The following PLCXD1 variants were observed in gnomAD, a reference collection of about 807,000 sequenced individuals.
PLCXD1 encodes phosphatidylinositol specific phospholipase C X domain containing 1.
A neutral mutation model predicts 37.8 loss-of-function variants in PLCXD1; 45 were observed. That is an observed-to-expected ratio of 1.19 (90% CI 0.94 to 1.53). The LOEUF (loss-of-function observed/expected upper bound fraction) is 1.53. Among genes scored for constraint, PLCXD1 ranks in the 40% most tolerant of loss-of-function variants. The pLI, the probability that PLCXD1 is intolerant of heterozygous loss-of-function variation, is 0.00. For missense variants in PLCXD1, 539 were observed against 454.7 expected, an observed-to-expected ratio of 1.19 and a Z score of -1.69; for synonymous variants, 246 against 206.9, an observed-to-expected ratio of 1.19 and a Z score of -1.62.
In PLCXD1 at chrX:284,334, G is replaced by A; in HGVS notation, c.127+20G>A. 1 of 1,612,114 alleles carries A rather than the reference G, an allele frequency of 6.2e-7. No homozygotes were observed. The highest frequency in any genetic ancestry group is 8.5e-7 in the Non-Finnish European group (1 of 1,179,658). On this transcript the variant is annotated intron_variant, in intron 2 of 6. Coordinates refer to ENST00000381657, the MANE Select transcript of PLCXD1 (RefSeq NM_018390.4). Reference sequence around the variant, plus strand: ...TCCCAGGTGAGGTTGGGGTGGGGCAGGGGCCGTTGCCTCTATCCCAGGTGA... The same window carrying A: ...TCCCAGGTGAGGTTGGGGTGGGGCAAGGGCCGTTGCCTCTATCCCAGGTGA...
Position 291,607 on chromosome X carries a change from G to T in PLCXD1, c.502G>T (p.Val168Phe), listed in dbSNP as rs1262424898. 1.9e-6 allele frequency: 3 copies of T among 1,613,026 alleles called. No homozygotes were observed. The Admixed American group carries it at 5.0e-5, about 27-fold the overall frequency. ...GAGCGAGGACCTGCACGAGTACCTG[G>T]TCGCCTGTATCAAGAACATCTTCGG... Reference protein sequence around the residue: ...GLSEDLHEYLVACIKNIFGDM... With the variant: ...GLSEDLHEYLFACIKNIFGDM... Residue 168 changes from valine (V) to phenylalanine (F), a missense_variant, in exon 5 of 7, where the codon GTC (valine) becomes TTC (phenylalanine). Coordinates refer to ENST00000381657, the MANE Select transcript of PLCXD1 (RefSeq NM_018390.4).
intron 5 of PLCXD1, among the ~76,000 whole-genome samples, chrX:292,271 C>T (rs7889205): frequency 0.18 from 27,654 of 151,330 alleles, 3,156 homozygotes; most frequent in African/African-American, 0.33. Flanking sequence ...CTGGCTAACA[C>T]GGTGAAACCC....
intron 6 of PLCXD1, 25 bp from the exon 7 acceptor site, chrX:299,072 C>A (rs1202134788): frequency 4.5e-6 from 7 of 1,566,644 alleles, no homozygotes; most frequent in Non-Finnish European, 4.4e-6. Flanking sequence ...GACCGTGTAA[C>A]CTCTCCCCAC....
chrX:299,225 T>G lies in PLCXD1; in HGVS notation c.862T>G (p.Cys288Gly). 6.2e-7 allele frequency: 1 copy of G among 1,613,890 alleles called. No homozygotes were observed. Among genetic ancestry groups the G allele is most frequent in the South Asian group, 1.1e-5 (1 of 91,074 alleles). The stretch of plus-strand genomic sequence containing the variant: ...GCTGAGCGCGTGGGTCCGAGAGCAG[T>G]GCCCGGGGCCGGGTTCACGGTGCAC... Reference protein sequence around the residue: ...PRLSAWVREQCPGPGSRCTNI... With the variant: ...PRLSAWVREQGPGPGSRCTNI... The change falls in exon 7 of 7, where the codon TGC becomes GGC. Residue 288 changes from cysteine (C) to glycine (G), a missense_variant. Coordinates refer to ENST00000381657, the MANE Select transcript of PLCXD1 (RefSeq NM_018390.4).
upstream of PLCXD1, among the ~76,000 whole-genome samples, chrX:276,874 G>A (rs999980485): frequency 2.6e-5 from 4 of 152,156 alleles, no homozygotes; most frequent in Non-Finnish European, 5.9e-5. Context: ...CCCGTGCGTT[G>A]AATGTGCGCG....
chrX:291,710 T>C, intron 5 of PLCXD1, 56 bp downstream of exon 5: 1 of 1,572,372 alleles, frequency 6.4e-7, no homozygotes, highest in Non-Finnish European at 8.7e-7. Context: ...ATCGTCAGCC[T>C]CAGACTCCAT....
chrX:288,257 C>T (rs1198289192), intron 2 of PLCXD1, among the ~76,000 whole-genome samples: 8 of 152,060 alleles, frequency 5.3e-5, no homozygotes, highest in African/African-American at 1.9e-4. Flanking sequence ...ACTTGAACAG[C>T]TCTTTTGGGG....
In PLCXD1 at chrX:296,431, C is replaced by T. The variant is rs1463245926; in HGVS notation, c.734-2666C>T. 7.9e-5 allele frequency among the ~76,000 whole-genome samples: 12 copies of T among 152,184 alleles called. 1 individual carries two copies. Among genetic ancestry groups the T allele is most frequent in the Admixed American group, 5.2e-4 (8 of 15,262 alleles). On this transcript the variant is annotated intron_variant, in intron 6 of 6. Coordinates refer to ENST00000381657, the MANE Select transcript of PLCXD1 (RefSeq NM_018390.4). ...AGCCACCGTGCCCAGCCTAGAAATA[C>T]GTGTTAAAAACCACTGAGAGAACTT...
intron 6 of PLCXD1, among the ~76,000 whole-genome samples, chrX:295,721 GT>G (rs2069785157): frequency 6.6e-6 from 1 of 151,784 alleles, no homozygotes; most frequent in Non-Finnish European, 1.5e-5. Flanking sequence ...TAGAGACAGG[GT>G]TTCACCATGT....
At chrX:295,593 C>T (rs1436851149) in intron 6 of PLCXD1, among the ~76,000 whole-genome samples, 6 of 150,506 alleles carry the variant, frequency 4.0e-5, no homozygotes, top group East Asian at 4.0e-4. Flanking sequence ...GGCGCGATCT[C>T]GGCTCACTGC....
Position 289,669 on chromosome X carries a change from G to A in PLCXD1, c.264+800G>A, listed in dbSNP as rs188495202. Among the ~76,000 whole-genome samples, 702 of 151,346 alleles carry A rather than the reference G, an allele frequency of 4.6e-3. 3 individuals carry two copies. The highest frequency in any genetic ancestry group is 7.2e-3 in the Admixed American group (110 of 15,188). On this transcript the variant is annotated intron_variant, in intron 3 of 6. Transcript: ENST00000381657. ...TGGGACTACAGGCTCCCGCGACCAC[G>A]CCCGGCTAATTTTTGGTATTTTGAG...
At chrX:295,994 T>C (rs1269661601) in intron 6 of PLCXD1, among the ~76,000 whole-genome samples, 2 of 151,798 alleles carry the variant, frequency 1.3e-5, no homozygotes, top group Non-Finnish European at 2.9e-5. Flanking sequence ...TTATTTTTAG[T>C]AGAGATGGGG....
chrX:283,087 G>T (rs1181208969), intron 1 of PLCXD1: 1 of 145,688 alleles, frequency 6.9e-6, no homozygotes, highest in African/African-American at 2.6e-5. Flanking sequence ...GTGTGTGTGT[G>T]TGTAGGCGAC....
chrX:284,262 G>T lies in PLCXD1; in HGVS notation c.75G>T (p.Ser25=), dbSNP rs374409639. ...GAAATGCCAACGAGGACTGGATGTC[G>T]GCACTGTGTCCCCGGCTCTGGGATG... ...HCRNANEDWM[S]ALCPRLWDVP... Residue 25 remains serine (S), a synonymous_variant, in exon 2 of 7, where the codon TCG becomes TCT. Transcript: ENST00000381657. The T allele has an allele frequency of 1.9e-6, 3 of 1,613,566 alleles. No homozygotes were observed. The highest frequency in any genetic ancestry group is 2.5e-6 in the Non-Finnish European group (3 of 1,179,852).
intron 1 of PLCXD1, among the ~76,000 whole-genome samples, chrX:282,574 G>A (rs1443243990): frequency 6.7e-6 from 1 of 150,270 alleles, no homozygotes; most frequent in Non-Finnish European, 1.5e-5. Flanking sequence ...GTGTGGTGGC[G>A]GGCGCCTGTA....
At position 284,458 on chromosome X, in the gene PLCXD1, G is replaced by A. The variant is rs189863426; in HGVS notation, c.127+144G>A. On this transcript the variant is annotated intron_variant, in intron 2 of 6. Coordinates refer to ENST00000381657, the MANE Select transcript of PLCXD1 (RefSeq NM_018390.4). ...GTAGGGAAATCCTAGAAAGCACACTGATGTGGACACACACATACACACAGT... is the reference window on the plus strand; with the variant it reads ...GTAGGGAAATCCTAGAAAGCACACTAATGTGGACACACACATACACACAGT... The A allele has an allele frequency of 1.1e-4, 91 of 842,254 alleles. No individual in the cohort carries two copies. In the East Asian group the frequency reaches 2.2e-3, roughly 20 times the overall value. 52.2% of individuals were successfully genotyped at this position (842,254 alleles called of 1,614,324 possible). A position where few individuals can be genotyped will look rare whatever the true frequency, so the allele number is the denominator to read the frequency against.
At chrX:292,958 C>A in intron 5 of PLCXD1, 77 bp from the exon 6 acceptor site, 1 of 1,029,126 alleles carries the variant, frequency 9.7e-7, no homozygotes, top group Non-Finnish European at 1.4e-6. Context: ...GGTGTCCCGA[C>A]TTCCCAGCCC....
At chrX:279,202 T>C (rs2069212115), upstream of PLCXD1, among the ~76,000 whole-genome samples, 1 of 152,128 alleles carries the variant, frequency 6.6e-6, no homozygotes, top group South Asian at 2.1e-4. Context: ...CAGGGAGAAC[T>C]CACGATAGTA....
rs1309347626 is a variant in PLCXD1 at position 288,728 on chromosome X, C to G, written c.128-5C>G. 6.2e-7 allele frequency: 1 copy of G among 1,613,858 alleles called. No individual in the cohort carries two copies. Among genetic ancestry groups the G allele is most frequent in the East Asian group, 2.2e-5 (1 of 44,880 alleles). On this transcript the variant is annotated splice_region_variant and splice_polypyrimidine_tract_variant and intron_variant, in intron 2 of 6. Coordinates refer to ENST00000381657, the MANE Select transcript of PLCXD1 (RefSeq NM_018390.4). ...GACATGTCCGCGTGTGTGCTTTGCT[C>G]TCAGGGAGCCACGACACGATGACGT... is the stretch of plus-strand genomic sequence containing the variant.
Sources: gnomAD v4.1 joint callset for allele counts (sites outside exome capture counted in the v4.1 genomes callset) on GRCh38, gnomAD v4.1.1 for gene constraint, MANE v1.5 for transcripts, NCBI Gene and HGNC (gene_info 2026-07-23, HGNC 2026-07-21) for gene names.